Variants in ARHGEF6 observed in about 807,000 individuals in gnomAD.
ARHGEF6 encodes the protein Rac/Cdc42 guanine nucleotide exchange factor 6.
ARHGEF6 carries 9 observed loss-of-function variants against 70.3 expected under a neutral mutation model. That is an observed-to-expected ratio of 0.13 (90% CI 0.08 to 0.22). The LOEUF is 0.22. Ranked by LOEUF, ARHGEF6 falls within the 10% of genes least tolerant of loss-of-function variation. The pLI is 1.00. For synonymous variants in ARHGEF6, 201 were observed against 207.8 expected (o/e 0.97, Z 0.28); for missense variants, 470 against 563.0 (o/e 0.83, Z 1.67).
intron 2 of ARHGEF6, among the ~76,000 whole-genome samples, chrX:136,771,805 T>C (rs1010503683): frequency 1.8e-5 from 2 of 111,889 alleles, no homozygotes; most frequent in African/African-American, 6.5e-5. Context: ...CATACACTGC[T>C]GGTGGGAACG....
chrX:136,705,482 T>G (rs2076617541), intron 9 of ARHGEF6, among the ~76,000 whole-genome samples: 1 of 112,065 alleles, frequency 8.9e-6, no homozygotes, highest in African/African-American at 3.2e-5. Context: ...CTGACAGACC[T>G]GGATTCTGGC....
intron 2 of ARHGEF6, among the ~76,000 whole-genome samples, chrX:136,769,717 C>T (rs1200252078): frequency 9.0e-6 from 1 of 111,725 alleles, no homozygotes; most frequent in African/African-American, 3.3e-5. Flanking sequence ...AGGGGCAACA[C>T]AAAAATAAAA....
chrX:136,727,568 T>C (rs1305915740), intron 6 of ARHGEF6, among the ~76,000 whole-genome samples: 1 of 97,380 alleles, frequency 1.0e-5, no homozygotes, highest in Non-Finnish European at 2.1e-5. Flanking sequence ...GAGTCTCACT[T>C]TGTCACCCAG....
chrX:136,703,878 G>A (rs2076601112), intron 9 of ARHGEF6, among the ~76,000 whole-genome samples: 1 of 112,561 alleles, frequency 8.9e-6, no homozygotes, highest in Admixed American at 9.4e-5. Context: ...TGATGCTATT[G>A]CACACTTAAT....
chrX:136,736,036 A>G (rs757577309), intron 5 of ARHGEF6, among the ~76,000 whole-genome samples: 3 of 112,407 alleles, frequency 2.7e-5, no homozygotes, highest in Non-Finnish European at 5.6e-5. Flanking sequence ...GGGAGAAAAT[A>G]GAATTTGTTT....
chrX:136,686,628 A>G (rs867130533), intron 11 of ARHGEF6, among the ~76,000 whole-genome samples: 3 of 59,390 alleles, frequency 5.1e-5, no homozygotes, highest in African/African-American at 2.1e-4. Flanking sequence ...ATATACACAT[A>G]TATATATATA....
In ARHGEF6 at chrX:136,703,654, C is replaced by T. The variant is rs111544587; in HGVS notation, c.1046+3254G>A. Among the ~76,000 whole-genome samples the T allele has an allele frequency of 2.1e-3, 236 of 112,266 alleles. 1 individual carries two copies. Among genetic ancestry groups the T allele is most frequent in the African/African-American group, 7.5e-3 (231 of 30,962 alleles). Reference sequence around the variant, plus strand: ...TCTCCTACTTCAGCCTCCCAAGTAGCTGGGATTACAGCCATGTGCAAGCAT... The same window carrying T: ...TCTCCTACTTCAGCCTCCCAAGTAGTTGGGATTACAGCCATGTGCAAGCAT... On this transcript the variant is annotated intron_variant, in intron 9 of 21. Coordinates refer to ENST00000250617, the MANE Select transcript of ARHGEF6 (RefSeq NM_004840.3).
At chrX:136,746,144 T>C (rs1232355411) in intron 3 of ARHGEF6, among the ~76,000 whole-genome samples, 1 of 112,227 alleles carries the variant, frequency 8.9e-6, no homozygotes, top group Non-Finnish European at 1.9e-5. Flanking sequence ...ATGCTGTGGG[T>C]TTTAACTTTC....
intron 2 of ARHGEF6, chrX:136,767,556 G>A (rs893802176): frequency 4.4e-5 from 33 of 753,500 alleles, no homozygotes; most frequent in Non-Finnish European, 5.0e-5. Flanking sequence ...AGGATCGCGG[G>A]GCCGAACTGG....
intron 2 of ARHGEF6, among the ~76,000 whole-genome samples, chrX:136,773,678 T>C (rs7064570): frequency 2.8e-4 from 31 of 112,168 alleles, no homozygotes; most frequent in African/African-American, 9.4e-4. Context: ...ATGTATTATC[T>C]CATTTGATCC....
rs771618105 is a variant in ARHGEF6, at chrX:136,747,775, T to TATTA, written c.250-184_250-183insTAAT. ...TGAGAGCAGCAGTTGAGCCGCCTAA[T>TATTA]GACATGTGGCAGGCCATCAGTGAGT... is the stretch of plus-strand genomic sequence containing the variant. On this transcript the variant is annotated intron_variant, in intron 2 of 21. Transcript: ENST00000250617. Among the ~76,000 whole-genome samples, 28 of 106,986 alleles carry TATTA rather than the reference T, an allele frequency of 2.6e-4. No individual in the cohort carries two copies. The East Asian group carries it at 8.2e-3, about 31-fold the overall frequency. 92.9% of individuals were successfully genotyped at this position (106,986 alleles called of 115,157 possible). A position where few individuals can be genotyped will look rare whatever the true frequency, so the allele number is the denominator to read the frequency against.
chrX:136,688,645 G>A (rs957059785), intron 10 of ARHGEF6, among the ~76,000 whole-genome samples: 1 of 110,965 alleles, frequency 9.0e-6, no homozygotes, highest in Non-Finnish European at 1.9e-5. Flanking sequence ...GTGATAGAGT[G>A]AGACCCTGTC....
At chrX:136,669,377 C>A in intron 21 of ARHGEF6, 105 bp downstream of exon 21, 1 of 719,652 alleles carries the variant, frequency 1.4e-6, no homozygotes. Context: ...CAAAAATCCC[C>A]CCTCGCTACC....
chrX:136,713,002 C>T (rs1569405002), intron 7 of ARHGEF6, among the ~76,000 whole-genome samples: 1 of 102,437 alleles, frequency 9.8e-6, no homozygotes, highest in Non-Finnish European at 2.0e-5. Flanking sequence ...AAGCACATCA[C>T]TTTTTTTTTT....
intron 6 of ARHGEF6, among the ~76,000 whole-genome samples, chrX:136,714,938 GCAA>G (rs1487684432): frequency 8.9e-6 from 1 of 112,008 alleles, no homozygotes; most frequent in African/African-American, 3.2e-5. Context: ...TTTCTCAATA[GCAA>G]CATTATTAAC....
intron 11 of ARHGEF6, 87 bp downstream of exon 11, chrX:136,687,845 T>C (rs905911999): frequency 1.0e-5 from 8 of 789,716 alleles, no homozygotes; most frequent in Non-Finnish European, 1.4e-5. Flanking sequence ...AAGACCTTTG[T>C]ATAGGGAAAG....
In ARHGEF6 at chrX:136,728,224, G is replaced by A. The variant is rs768149731; in HGVS notation, c.732+3878C>T. ...GGAACCAAGGTCAGGGGCAGCAAAAGCTTTCTCTGGACTGCCATGTCCCTC... is the reference window on the plus strand; with the variant it reads ...GGAACCAAGGTCAGGGGCAGCAAAAACTTTCTCTGGACTGCCATGTCCCTC... On this transcript the variant is annotated intron_variant, in intron 6 of 21. Coordinates refer to ENST00000250617, the MANE Select transcript of ARHGEF6 (RefSeq NM_004840.3). Among the ~76,000 whole-genome samples, 5 of 111,540 alleles carry A rather than the reference G, an allele frequency of 4.5e-5. No homozygotes were observed. In the South Asian group the frequency reaches 1.9e-3, roughly 42 times the overall value.
At chrX:136,758,031 C>CTT (rs1164537601) in intron 2 of ARHGEF6, among the ~76,000 whole-genome samples, 1,142 of 14,001 alleles carry the variant, frequency 0.082, 479 homozygotes, top group Middle Eastern at 0.14. Flanking sequence ...AAAATAAATT[C>CTT]TTTTTTTTTT....
chrX:136,701,989 G>A (rs5929771), intron 9 of ARHGEF6, among the ~76,000 whole-genome samples: 8,667 of 111,008 alleles, frequency 0.078, 340 homozygotes, highest in Middle Eastern at 0.15. Flanking sequence ...TTACAGGCGC[G>A]AGCCACCGCA....
Sources: gnomAD v4.1 joint callset for allele counts (sites outside exome capture counted in the v4.1 genomes callset) on GRCh38, gnomAD v4.1.1 for gene constraint, MANE v1.5 for transcripts, NCBI Gene and HGNC (gene_info 2026-07-23, HGNC 2026-07-21) for gene names.